RNF217: variants seen among roughly 807,000 people sequenced by gnomAD.
RNF217 encodes E3 ubiquitin-protein ligase RNF217.
Under a neutral mutation model 57.8 loss-of-function variants are expected in RNF217, and 31 were observed. That is an observed-to-expected ratio of 0.54 (90% CI 0.40 to 0.72). The LOEUF (loss-of-function observed/expected upper bound fraction) is 0.72, where lower values mean the gene tolerates loss of function less well. RNF217 is among the 30% of genes least tolerant of loss of function. The probability of loss-of-function intolerance (pLI) is 0.00; values close to 1 mark genes in which losing one functional copy is unlikely to be tolerated. For missense variants in RNF217, 696 were observed against 708.3 expected (o/e 0.98, Z 0.20); for synonymous variants, 313 against 294.0 (o/e 1.06, Z -0.66).
intron 1 of RNF217, among the ~76,000 whole-genome samples, chr6:124,981,794 A>G (rs967940386): frequency 6.6e-6 from 1 of 151,792 alleles, no homozygotes; most frequent in Non-Finnish European, 1.5e-5. Flanking sequence ...CGAGGCAGGC[A>G]GACCACTAGG....
chr6:125,049,855 G>A (rs1787243923), intron 2 of RNF217, among the ~76,000 whole-genome samples: 1 of 151,794 alleles, frequency 6.6e-6, no homozygotes, highest in Non-Finnish European at 1.5e-5. Flanking sequence ...GGAAGAGGAG[G>A]AGCAGGTTTG....
intron 3 of RNF217, among the ~76,000 whole-genome samples, chr6:125,073,079 T>C (rs1432508317): frequency 6.6e-6 from 1 of 152,210 alleles, no homozygotes; most frequent in Admixed American, 6.5e-5. Context: ...ATCAGGAAAT[T>C]TGTTAAGTCG....
intron 1 of RNF217, among the ~76,000 whole-genome samples, chr6:125,019,072 G>GCC (rs1785724560): frequency 6.6e-6 from 1 of 152,066 alleles, no homozygotes; most frequent in African/African-American, 2.4e-5. Flanking sequence ...CAGTAAAAAA[G>GCC]CCCGCTTGCC....
intron 3 of RNF217, among the ~76,000 whole-genome samples, chr6:125,071,304 T>TGGCAGCGAGCTGTGCAGC (rs1184514541): frequency 6.6e-6 from 1 of 152,176 alleles, no homozygotes; most frequent in East Asian, 1.9e-4. Context: ...AGCTGGGCAG[T>TGGCAGCGAGCTGTGCAGC]GGCAGCGAGC....
In RNF217 at chr6:125,090,338, G is replaced by A. The variant is rs1788900015; in HGVS notation, c.*7401G>A. ...TCTGTAGAAGGAACACAACAGTGAT[G>A]TTAAAATGTTAACAAAGAACCAGTT... is the stretch of plus-strand genomic sequence containing the variant. On this transcript the variant is annotated 3_prime_UTR_variant, in exon 6 of 6. Coordinates refer to ENST00000521654, the MANE Select transcript of RNF217 (RefSeq NM_001286398.3). 1 of 152,018 alleles carries A rather than the reference G, an allele frequency of 6.6e-6. No homozygotes were observed. Among genetic ancestry groups the A allele is most frequent in the African/African-American group, 2.4e-5 (1 of 41,432 alleles). The allele number at this position is 152,018 out of a possible 1,614,324, so 9.4% of individuals were successfully genotyped here. A position where few individuals can be genotyped will look rare whatever the true frequency, so the allele number is the denominator to read the frequency against.
At chr6:124,975,802 C>A (rs556238641) in intron 1 of RNF217, among the ~76,000 whole-genome samples, 1 of 152,202 alleles carries the variant, frequency 6.6e-6, no homozygotes, top group South Asian at 2.1e-4. Flanking sequence ...GCCAGAGATG[C>A]TCTTGGTGGA....
intron 1 of RNF217, among the ~76,000 whole-genome samples, chr6:124,965,978 A>G (rs1783523591): frequency 6.6e-6 from 1 of 152,192 alleles, no homozygotes. Flanking sequence ...AACCTACTGA[A>G]TTTTTGAAAG....
chr6:125,025,273 G>A (rs1431130162), intron 1 of RNF217, among the ~76,000 whole-genome samples: 1 of 152,142 alleles, frequency 6.6e-6, no homozygotes, highest in Non-Finnish European at 1.5e-5. Flanking sequence ...TAATGTGGAC[G>A]TGAACACAAG....
At position 125,062,420 on chromosome 6, in the gene RNF217, T is replaced by C. The variant is rs190167479; in HGVS notation, c.1281+4314T>C. Among the ~76,000 whole-genome samples, 1,190 of 145,958 alleles carry C rather than the reference T, an allele frequency of 8.2e-3. 11 individuals are homozygous for C. Among genetic ancestry groups the C allele is most frequent in the South Asian group, 0.029 (141 of 4,806 alleles). ...ATTTTTTTCCTCATGATCAAGATAC[T>C]TACTTACAAGTATGATTTTTATAGT... On this transcript the variant is annotated intron_variant, in intron 3 of 5. Transcript: ENST00000521654.
chr6:125,062,416 ATACTTACT>A (rs58793551), intron 3 of RNF217, among the ~76,000 whole-genome samples: 1 of 152,068 alleles, frequency 6.6e-6, no homozygotes, highest in African/African-American at 2.4e-5. Flanking sequence ...CATGATCAAG[ATACTTACT>A]TACAAGTATG....
intron 1 of RNF217, among the ~76,000 whole-genome samples, chr6:125,040,822 A>C (rs893846156): frequency 1.3e-5 from 2 of 152,194 alleles, no homozygotes; most frequent in African/African-American, 4.8e-5. Flanking sequence ...TCATAATCAC[A>C]TAAACAGAAT....
chr6:125,060,229 TAAA>T (rs1283437343), intron 3 of RNF217, among the ~76,000 whole-genome samples: 1 of 152,010 alleles, frequency 6.6e-6, no homozygotes, highest in Non-Finnish European at 1.5e-5. Flanking sequence ...GGAATTTGAG[TAAA>T]AGAAATGAAG....
chr6:125,059,587 T>G (rs141220596), intron 3 of RNF217, among the ~76,000 whole-genome samples: 79 of 152,324 alleles, frequency 5.2e-4, no homozygotes, highest in African/African-American at 1.9e-3. Flanking sequence ...GGATTTGGAA[T>G]GAGCACCACT....
chr6:125,029,966 A>G (rs1161452461), intron 1 of RNF217, among the ~76,000 whole-genome samples: 1 of 152,158 alleles, frequency 6.6e-6, no homozygotes, highest in African/African-American at 2.4e-5. Flanking sequence ...GAGACTGGGA[A>G]GAAAAAGAGG....
chr6:124,966,657 G>T (rs1000919510), intron 1 of RNF217, among the ~76,000 whole-genome samples: 1 of 152,154 alleles, frequency 6.6e-6, no homozygotes, highest in African/African-American at 2.4e-5. Flanking sequence ...ACATTAAATT[G>T]CATATTAAAT....
intron 3 of RNF217, among the ~76,000 whole-genome samples, chr6:125,065,876 T>TA (rs1192967309): frequency 6.6e-6 from 1 of 152,168 alleles, no homozygotes; most frequent in African/African-American, 2.4e-5. Context: ...AAAAGCTATA[T>TA]ATCCAAATAG....
rs555154646 is a variant in RNF217 at position 124,965,169 on chromosome 6, A to G, written c.882+1743A>G. On this transcript the variant is annotated intron_variant, in intron 1 of 5. Coordinates refer to ENST00000521654, the MANE Select transcript of RNF217 (RefSeq NM_001286398.3). The stretch of plus-strand genomic sequence containing the variant: ...ATTGCAGTGTACAGTACAACCACTA[A>G]AAACTCCTCTGCAGTGACACAGTAT... Among the ~76,000 whole-genome samples, 5 of 152,326 alleles carry G rather than the reference A, an allele frequency of 3.3e-5. No individual in the cohort carries two copies. The East Asian group carries it at 9.6e-4, about 29-fold the overall frequency.
rs1168545590 is a variant in RNF217, at chr6:125,076,726, C to T, written c.1351C>T (p.Arg451Ter). Reference protein sequence around the residue: ...CSQCNTNFCYRCGERYRQLRF... With the variant: ...CSQCNTNFCY ...ACAATGTAACACTAATTTTTGTTAC[C>T]GATGTGGTGAGAGATACCGCCAGCT... The change falls in exon 4 of 6, where the codon CGA becomes TGA. Residue 451 changes from arginine to a stop codon, truncating the protein, a stop_gained. Coordinates refer to ENST00000521654, the MANE Select transcript of RNF217 (RefSeq NM_001286398.3). LOFTEE classifies it high-confidence loss of function. 6.2e-6 allele frequency: 10 copies of T among 1,613,238 alleles called. No individual in the cohort carries two copies. Among genetic ancestry groups the T allele is most frequent in the South Asian group, 2.2e-5 (2 of 91,038 alleles).
rs554974866 is a variant in RNF217 at position 125,076,315 on chromosome 6, A to C, written c.1282-342A>C. On this transcript the variant is annotated intron_variant, in intron 3 of 5. Coordinates refer to ENST00000521654, the MANE Select transcript of RNF217 (RefSeq NM_001286398.3). ...TTCTTGCTGATCATAGCATAAACAA[A>C]ATATACTTTCAAAGCATTTTAAATT... 3.3e-5 allele frequency among the ~76,000 whole-genome samples: 5 copies of C among 152,332 alleles called. No homozygotes were observed. The East Asian group carries it at 9.6e-4, about 29-fold the overall frequency.
Sources: gnomAD v4.1 joint callset for allele counts (sites outside exome capture counted in the v4.1 genomes callset) on GRCh38, gnomAD v4.1.1 for gene constraint, MANE v1.5 for transcripts, NCBI Gene and HGNC (gene_info 2026-07-23, HGNC 2026-07-21) for gene names.